Variants in AFF2 observed in about 807,000 individuals in gnomAD.
The protein encoded by AFF2 is ALF transcription elongation factor 2.
Under a neutral mutation model 76.9 loss-of-function variants are expected in AFF2, and 14 were observed. That is an observed-to-expected ratio of 0.18 (90% CI 0.12 to 0.28). AFF2 has a LOEUF of 0.28. Among genes scored for constraint, AFF2 ranks in the 10% least tolerant of loss-of-function variants. AFF2 has a pLI of 1.00. For missense variants in AFF2, 868 were observed against 1,001.1 expected (o/e 0.87, Z 1.79); for synonymous variants, 398 against 366.7 (o/e 1.09, Z -0.98).
intron 1 of AFF2, among the ~76,000 whole-genome samples, chrX:148,501,754 G>A (rs782348292): frequency 1.9e-4 from 22 of 113,430 alleles, no homozygotes; most frequent in African/African-American, 6.7e-4. Flanking sequence ...GTTCGAGGCC[G>A]ACTTCGGCGC....
At chrX:148,896,285 A>C (rs1325101696) in intron 8 of AFF2, among the ~76,000 whole-genome samples, 3 of 111,732 alleles carry the variant, frequency 2.7e-5, no homozygotes, top group Non-Finnish European at 3.8e-5. Context: ...AGCCATGAAA[A>C]CATTGATTTT....
intron 1 of AFF2, among the ~76,000 whole-genome samples, chrX:148,512,179 A>T (rs1021876415): frequency 5.5e-4 from 62 of 111,906 alleles, no homozygotes; most frequent in Non-Finnish European, 1.1e-3. Flanking sequence ...GGACCTTTTT[A>T]AAAAAAATAA....
chrX:148,594,696 A>G (rs1322734044), intron 1 of AFF2, among the ~76,000 whole-genome samples: 1 of 112,060 alleles, frequency 8.9e-6, no homozygotes, highest in African/African-American at 3.2e-5. Context: ...CAAAAAGCCA[A>G]GGAATTGGTG....
At chrX:148,883,174 A>C (rs782756370) in intron 7 of AFF2, among the ~76,000 whole-genome samples, 1 of 111,732 alleles carries the variant, frequency 8.9e-6, no homozygotes, top group African/African-American at 3.2e-5. Flanking sequence ...TGAAGGAGAG[A>C]AACCGGAAGA....
intron 3 of AFF2, among the ~76,000 whole-genome samples, chrX:148,739,167 T>A (rs1387104682): frequency 1.8e-5 from 2 of 111,841 alleles, no homozygotes; most frequent in African/African-American, 6.5e-5. Flanking sequence ...CCATTGTTTC[T>A]TTGTTGACTT....
In AFF2 at chrX:148,762,611, A is replaced by G. The variant is rs190232180; in HGVS notation, c.1042-47265A>G. ...GCTGCTTAAGCTAGATCTGCCATGC[A>G]TATAACATCTCATTGTGAAGATCCA... On this transcript the variant is annotated intron_variant, in intron 3 of 20. Coordinates refer to ENST00000370460, the MANE Select transcript of AFF2 (RefSeq NM_002025.4). Among the ~76,000 whole-genome samples the G allele has an allele frequency of 8.2e-5, 9 of 109,436 alleles. No homozygotes were observed. The East Asian group carries it at 2.6e-3, about 31-fold the overall frequency.
chrX:148,645,336 A>T (rs2054134520), intron 1 of AFF2, among the ~76,000 whole-genome samples: 1 of 112,264 alleles, frequency 8.9e-6, no homozygotes, highest in Admixed American at 9.5e-5. Flanking sequence ...TGCAGAGAAG[A>T]CATAAAGTTA....
intron 4 of AFF2, among the ~76,000 whole-genome samples, chrX:148,829,188 A>T (rs2070423615): frequency 8.9e-6 from 1 of 112,549 alleles, no homozygotes; most frequent in African/African-American, 3.2e-5. Context: ...TTTTAAAAGA[A>T]TTGCATTTTG....
At chrX:148,901,600 T>G (rs2071355920) in intron 8 of AFF2, among the ~76,000 whole-genome samples, 3 of 112,299 alleles carry the variant, frequency 2.7e-5, no homozygotes, top group Admixed American at 9.4e-5. Context: ...GGCAAGTGTA[T>G]CTGGAACTTG....
intron 3 of AFF2, among the ~76,000 whole-genome samples, chrX:148,750,792 T>C (rs782240239): frequency 1.8e-5 from 2 of 111,979 alleles, no homozygotes; most frequent in Non-Finnish European, 3.8e-5. Flanking sequence ...GAGAACTGAG[T>C]ACAGTGGCTT....
intron 1 of AFF2, among the ~76,000 whole-genome samples, chrX:148,645,748 C>T (rs1196546779): frequency 8.9e-6 from 1 of 111,876 alleles, no homozygotes; most frequent in Non-Finnish European, 1.9e-5. Context: ...TTGTCCATTG[C>T]TTATTTATGT....
intron 13 of AFF2, among the ~76,000 whole-genome samples, chrX:148,964,793 T>TTTTA (rs2072152474): frequency 8.9e-6 from 1 of 112,357 alleles, no homozygotes; most frequent in Non-Finnish European, 1.9e-5. Flanking sequence ...TATATGTGTG[T>TTTTA]TTTACCACAA....
intron 4 of AFF2, among the ~76,000 whole-genome samples, chrX:148,835,163 G>A (rs782222944): frequency 3.6e-5 from 4 of 110,798 alleles, no homozygotes; most frequent in East Asian, 5.7e-4. Flanking sequence ...TATTCTTCCC[G>A]GTGTCTGAAA....
At chrX:148,726,313 C>A (rs1342681774) in intron 3 of AFF2, among the ~76,000 whole-genome samples, 1 of 112,019 alleles carries the variant, frequency 8.9e-6, no homozygotes, top group Non-Finnish European at 1.9e-5. Flanking sequence ...CAGGCCCACT[C>A]TGCCTAGCAA....
At chrX:148,720,478 C>T (rs1438198013) in intron 3 of AFF2, among the ~76,000 whole-genome samples, 1 of 109,831 alleles carries the variant, frequency 9.1e-6, no homozygotes, top group Non-Finnish European at 1.9e-5. Context: ...TCATTTTTCC[C>T]CTTTGGGCTT....
At chrX:148,897,399 G>A (rs1230294366) in intron 8 of AFF2, among the ~76,000 whole-genome samples, 1 of 99,354 alleles carries the variant, frequency 1.0e-5, no homozygotes, top group Non-Finnish European at 2.0e-5. Flanking sequence ...TAGAATACCA[G>A]ACCTTAAAAT....
At chrX:148,627,143 T>G (rs187605787) in intron 1 of AFF2, among the ~76,000 whole-genome samples, 1 of 111,998 alleles carries the variant, frequency 8.9e-6, no homozygotes, top group Non-Finnish European at 1.9e-5. Context: ...CCCAGGAATT[T>G]GAGGCTCCAG....
chrX:148,741,261 G>A (rs2055347308), intron 3 of AFF2, among the ~76,000 whole-genome samples: 1 of 111,275 alleles, frequency 9.0e-6, no homozygotes, highest in Admixed American at 9.5e-5. Flanking sequence ...ACCATCAGGT[G>A]GGGTGGGACT....
At chrX:148,669,578 C>G (rs2054398894) in intron 3 of AFF2, among the ~76,000 whole-genome samples, 1 of 110,984 alleles carries the variant, frequency 9.0e-6, no homozygotes, top group Non-Finnish European at 1.9e-5. Context: ...CAGGGAAACT[C>G]CCCCTTATAA....
Sources: allele counts gnomAD v4.1 joint callset (sites outside exome capture counted in the v4.1 genomes callset), GRCh38; gene constraint gnomAD v4.1.1; transcripts MANE v1.5; gene names NCBI Gene and HGNC (gene_info 2026-07-23, HGNC 2026-07-21).